FBLN2: variants seen among roughly 807,000 people sequenced by gnomAD.
FBLN2 encodes the protein fibulin 2.
A neutral mutation model predicts 123.7 loss-of-function variants in FBLN2; 81 were observed. The observed-to-expected ratio is 0.65, with a 90% CI of 0.55 to 0.79. The LOEUF is 0.79. Ranked by LOEUF, FBLN2 falls within the 30% of genes least tolerant of loss-of-function variation. FBLN2 has a pLI of 0.00. For synonymous variants in FBLN2, 699 were observed against 701.4 expected (o/e 1.00, Z 0.05); for missense variants, 1,603 against 1,681.3 (o/e 0.95, Z 0.81).
chr3:13,549,532 T>G (rs1168229398), intron 1 of FBLN2, among the ~76,000 whole-genome samples: 1 of 147,498 alleles, frequency 6.8e-6, no homozygotes, highest in Non-Finnish European at 1.5e-5. Flanking sequence ...TTCTCCCCCC[T>G]GGGCCGGCTC....
chr3:13,634,108 T>C (rs1237681468), intron 16 of FBLN2, among the ~76,000 whole-genome samples: 1 of 152,020 alleles, frequency 6.6e-6, no homozygotes, highest in African/African-American at 2.4e-5. Flanking sequence ...GCCCCTGAGC[T>C]GTTGTGGGCT....
intron 2 of FBLN2, among the ~76,000 whole-genome samples, chr3:13,607,771 T>C (rs1037693530): frequency 1.3e-5 from 2 of 152,134 alleles, no homozygotes; most frequent in Non-Finnish European, 2.9e-5. Context: ...GTGGGAGCTC[T>C]AGAGTGTGAG....
At chr3:13,629,984 A>T (rs1434382088) in intron 14 of FBLN2, 39 bp downstream of exon 14, 1 of 1,604,522 alleles carries the variant, frequency 6.2e-7, no homozygotes, top group Admixed American at 1.7e-5. Flanking sequence ...GCCGCCTGGT[A>T]TCTGTAGTGG....
chr3:13,549,276 G>T, intron 1 of FBLN2, 68 bp downstream of exon 1: 6 of 945,912 alleles, frequency 6.3e-6, no homozygotes, highest in Non-Finnish European at 7.6e-6. Context: ...CTCAGGACTC[G>T]GGGGCGCTCG....
At chr3:13,582,943 C>A (rs1242711870) in intron 2 of FBLN2, among the ~76,000 whole-genome samples, 1 of 152,264 alleles carries the variant, frequency 6.6e-6, no homozygotes, top group African/African-American at 2.4e-5. Flanking sequence ...AGGAGCCAGG[C>A]CTGGCAGGGT....
Position 13,571,141 on chromosome 3 carries a change from C to T in FBLN2, c.786C>T (p.Pro262=), listed in dbSNP as rs773749350. The change falls in exon 2 of 18, where the codon CCC becomes CCT. Residue 262 remains proline (P), a synonymous_variant. Transcript: ENST00000404922. ...CCACAGCGGCTGCTGCCCTGGGTCCCCCAGCCCCAGTGCAGGCCAAAGCTA... is the reference window on the plus strand; with the variant it reads ...CCACAGCGGCTGCTGCCCTGGGTCCTCCAGCCCCAGTGCAGGCCAAAGCTA... The part of the protein sequence containing the change: ...PRPTAAAALG[P]PAPVQAKARR... 2 of 1,554,752 alleles carry T rather than the reference C, an allele frequency of 1.3e-6. No homozygotes were observed. The highest frequency in any genetic ancestry group is 1.2e-5 in the South Asian group (1 of 84,332).
Position 13,614,129 on chromosome 3 carries a change from G to A in FBLN2, c.1694G>A (p.Arg565His), listed in dbSNP as rs1370281595. ...GEEPLIVPEVRRPPEPAAAPR... is the reference protein window; with the variant it reads ...GEEPLIVPEVHRPPEPAAAPR... ...GAGCCTCTCATAGTACCTGAGGTTC[G>A]CCGACCTCCAGAGCCCGCAGCTGCA... is the stretch of plus-strand genomic sequence containing the variant. Residue 565 changes from arginine to histidine, a missense_variant, in exon 5 of 18, where the codon CGC (arginine) becomes CAC (histidine). By Grantham distance (29) the Arg-to-His change is conservative (BLOSUM62 0). Coordinates refer to ENST00000404922, the MANE Select transcript of FBLN2 (RefSeq NM_001004019.2). 4.3e-6 allele frequency: 7 copies of A among 1,612,886 alleles called. No homozygotes were observed. The highest frequency in any genetic ancestry group is 3.3e-5 in the Admixed American group (2 of 60,020).
intron 2 of FBLN2, among the ~76,000 whole-genome samples, chr3:13,583,081 C>T (rs919767642): frequency 3.3e-5 from 5 of 152,276 alleles, no homozygotes; most frequent in African/African-American, 1.2e-4. Context: ...ACTGCGTCAG[C>T]AAACGCGCGA....
intron 1 of FBLN2, among the ~76,000 whole-genome samples, chr3:13,559,340 C>T (rs1239273789): frequency 8.7e-6 from 1 of 115,234 alleles, no homozygotes; most frequent in Non-Finnish European, 1.8e-5. Flanking sequence ...TCACTATGAC[C>T]CTGTTTCTCT....
Position 13,573,435 on chromosome 3 carries a change from C to T in FBLN2, c.1306+1774C>T, listed in dbSNP as rs540443303. 2.6e-5 allele frequency among the ~76,000 whole-genome samples: 4 copies of T among 152,296 alleles called. No individual in the cohort carries two copies. The South Asian group carries it at 8.3e-4, about 32-fold the overall frequency. On this transcript the variant is annotated intron_variant, in intron 2 of 17. Coordinates refer to ENST00000404922, the MANE Select transcript of FBLN2 (RefSeq NM_001004019.2). Reference sequence around the variant, plus strand: ...ATCCCCTGAGTGAGGCTCACCACTTCACTCCTCAGCTCGTATCACTGCTCA... The same window carrying T: ...ATCCCCTGAGTGAGGCTCACCACTTTACTCCTCAGCTCGTATCACTGCTCA...
intron 1 of FBLN2, among the ~76,000 whole-genome samples, chr3:13,552,151 TG>T (rs1190014882): frequency 6.6e-6 from 1 of 151,362 alleles, no homozygotes; most frequent in Admixed American, 6.6e-5. Context: ...TGGGGAGGGG[TG>T]GGGTCTAATT....
chr3:13,616,175 A>T (rs1705597012), intron 5 of FBLN2, among the ~76,000 whole-genome samples: 1 of 152,184 alleles, frequency 6.6e-6, no homozygotes, highest in African/African-American at 2.4e-5. Context: ...CAGTCCAAGG[A>T]AGTGCTACTT....
intron 2 of FBLN2, among the ~76,000 whole-genome samples, chr3:13,593,344 G>A (rs1291505235): frequency 6.6e-6 from 1 of 152,166 alleles, no homozygotes; most frequent in Non-Finnish European, 1.5e-5. Flanking sequence ...GTTTGTCTCT[G>A]GTAGACAACA....
intron 2 of FBLN2, among the ~76,000 whole-genome samples, chr3:13,593,099 C>T (rs1391031560): frequency 6.6e-6 from 1 of 152,090 alleles, no homozygotes; most frequent in African/African-American, 2.4e-5. Flanking sequence ...ACGAGGTCAG[C>T]CCAGATTCAA....
Position 13,557,723 on chromosome 3 carries a change from A to G in FBLN2, c.-42+8515A>G, listed in dbSNP as rs569094118. On this transcript the variant is annotated intron_variant, in intron 1 of 17. Coordinates refer to ENST00000404922, the MANE Select transcript of FBLN2 (RefSeq NM_001004019.2). ...GGGGCAGGGACTCCTCTCATTGGCC[A>G]TCCAGCAGTCCACGTAGCCTGAAGT... Among the ~76,000 whole-genome samples, 700 of 152,338 alleles carry G rather than the reference A, an allele frequency of 4.6e-3. 8 individuals are homozygous for G. Among genetic ancestry groups the G allele is most frequent in the African/African-American group, 0.016 (656 of 41,572 alleles).
intron 2 of FBLN2, among the ~76,000 whole-genome samples, chr3:13,602,884 T>C (rs1705078914): frequency 6.6e-6 from 1 of 151,968 alleles, no homozygotes; most frequent in African/African-American, 2.4e-5. Flanking sequence ...CTTTCTATTA[T>C]TTCTTTGGCC....
intron 2 of FBLN2, among the ~76,000 whole-genome samples, chr3:13,594,406 G>C (rs147373102): frequency 1.9e-3 from 291 of 152,198 alleles, no homozygotes; most frequent in African/African-American, 6.6e-3. Flanking sequence ...GGTCCCTGCT[G>C]TGATGGGCTT....
chr3:13,581,018 G>A (rs553421100), intron 2 of FBLN2, among the ~76,000 whole-genome samples: 19 of 152,330 alleles, frequency 1.2e-4, no homozygotes, highest in African/African-American at 4.6e-4. Flanking sequence ...TAGCTCTGGC[G>A]TGTTCTCATT....
chr3:13,608,241 AC>A, intron 3 of FBLN2, 68 bp downstream of exon 3: 1 of 1,177,234 alleles, frequency 8.5e-7, no homozygotes, highest in Non-Finnish European at 1.2e-6. Context: ...CTTGCCTAGG[AC>A]CCCAGGCTCC....
Sources: gnomAD v4.1 joint callset for allele counts (sites outside exome capture counted in the v4.1 genomes callset) on GRCh38, gnomAD v4.1.1 for gene constraint, MANE v1.5 for transcripts, NCBI Gene and HGNC (gene_info 2026-07-23, HGNC 2026-07-21) for gene names.